Variants in CNGB3 observed in about 807,000 individuals in gnomAD.
CNGB3 encodes the protein cyclic nucleotide-gated channel beta-3.
Under a neutral mutation model 92.8 loss-of-function variants are expected in CNGB3, and 86 were observed. The observed-to-expected ratio is 0.93, with a 90% confidence interval of 0.78 to 1.11. CNGB3 has a LOEUF of 1.11. CNGB3 is among the 50% of genes least tolerant of loss of function. The pLI is 0.00. For synonymous variants in CNGB3, 333 were observed against 332.7 expected (o/e 1.00, Z -0.01); for missense variants, 1,026 against 956.8 (o/e 1.07, Z -0.95).
intron 15 of CNGB3, among the ~76,000 whole-genome samples, chr8:86,589,057 T>A (rs1054342692): frequency 6.6e-6 from 1 of 152,164 alleles, no homozygotes; most frequent in African/African-American, 2.4e-5. Flanking sequence ...TCTTCCTGGT[T>A]TAGTCTTGGG....
intron 3 of CNGB3, among the ~76,000 whole-genome samples, chr8:86,708,935 G>A (rs771641861): frequency 2.0e-5 from 3 of 152,094 alleles, no homozygotes; most frequent in Non-Finnish European, 4.4e-5. Context: ...GTGAATATAG[G>A]TAACTGTTTC....
chr8:86,586,560 C>T (rs1222265986), intron 15 of CNGB3, among the ~76,000 whole-genome samples: 3 of 145,874 alleles, frequency 2.1e-5, no homozygotes, highest in African/African-American at 5.1e-5. Flanking sequence ...TTGTTCAATT[C>T]CCACCTATGA....
intron 15 of CNGB3, among the ~76,000 whole-genome samples, chr8:86,600,831 A>G (rs759855775): frequency 4.0e-4 from 48 of 119,196 alleles, no homozygotes; most frequent in Non-Finnish European, 7.2e-4. Flanking sequence ...GGGGTTTCAC[A>G]GTGTTAGCTG....
At chr8:86,623,598 T>G (rs1246193535) in intron 13 of CNGB3, among the ~76,000 whole-genome samples, 21 of 152,160 alleles carry the variant, frequency 1.4e-4, no homozygotes, top group Admixed American at 1.4e-3. Flanking sequence ...CCCTCAAGAC[T>G]CAATCACTTC....
chr8:86,632,673 T>C lies in CNGB3; in HGVS notation c.1320+79A>G, dbSNP rs1822984546. 8 of 1,440,646 alleles carry C rather than the reference T, an allele frequency of 5.6e-6. No homozygotes were observed. The African/African-American group carries it at 7.1e-5, about 13-fold the overall frequency. 89.2% of individuals were successfully genotyped at this position (1,440,646 alleles called of 1,614,324 possible). On this transcript the variant is annotated intron_variant, in intron 11 of 17. Coordinates refer to ENST00000320005, the MANE Select transcript of CNGB3 (RefSeq NM_019098.5). ...GAAGAACCAGACAGATTTTAATTTT[T>C]CCTCCATAAAGTTTACAAAGACCTG...
intron 3 of CNGB3, among the ~76,000 whole-genome samples, chr8:86,690,340 T>G (rs1368662663): frequency 1.3e-5 from 2 of 152,218 alleles, no homozygotes; most frequent in African/African-American, 2.4e-5. Flanking sequence ...TTCATGTGTT[T>G]TTGGCTGCAT....
At chr8:86,616,747 C>T (rs10956908) in intron 13 of CNGB3, among the ~76,000 whole-genome samples, 35,272 of 152,094 alleles carry the variant, frequency 0.23, 4,819 homozygotes, top group African/African-American at 0.37. Context: ...CAGCCTCCCA[C>T]TGATGCCTGG....
chr8:86,609,644 C>T (rs1822480717), intron 14 of CNGB3, among the ~76,000 whole-genome samples: 1 of 152,148 alleles, frequency 6.6e-6, no homozygotes, highest in Admixed American at 6.5e-5. Flanking sequence ...CCAGTTCCAT[C>T]CTCTCTCATT....
intron 10 of CNGB3, among the ~76,000 whole-genome samples, chr8:86,639,256 G>T (rs1276511738): frequency 6.6e-6 from 1 of 151,732 alleles, no homozygotes; most frequent in Non-Finnish European, 1.5e-5. Context: ...CATAAAATTG[G>T]GATATATGTG....
intron 6 of CNGB3, chr8:86,661,148 G>T: frequency 4.5e-6 from 1 of 224,134 alleles, no homozygotes; most frequent in East Asian, 1.2e-4. Flanking sequence ...TCATACTTTA[G>T]GACGACAACC....
chr8:86,628,488 A>C lies in CNGB3; in HGVS notation c.1480+431T>G, dbSNP rs148635636. On this transcript the variant is annotated intron_variant, in intron 12 of 17. Transcript: ENST00000320005. Reference sequence around the variant, plus strand: ...TGTTCTGGGTAAGAGAGTGATATTGAAGTAAGAGCAAGAGTTTGGAAGAGA... The same window carrying C: ...TGTTCTGGGTAAGAGAGTGATATTGCAGTAAGAGCAAGAGTTTGGAAGAGA... 9.2e-5 allele frequency among the ~76,000 whole-genome samples: 14 copies of C among 152,264 alleles called. No individual in the cohort carries two copies. In the East Asian group the frequency reaches 2.7e-3, roughly 29 times the overall value.
intron 3 of CNGB3, among the ~76,000 whole-genome samples, chr8:86,684,862 G>A (rs929736697): frequency 2.0e-5 from 3 of 152,118 alleles, no homozygotes; most frequent in Admixed American, 1.3e-4. Context: ...AGTGCAACAT[G>A]AGGGATCTTT....
At chr8:86,582,438 G>A (rs1386886497) in intron 15 of CNGB3, among the ~76,000 whole-genome samples, 2 of 149,532 alleles carry the variant, frequency 1.3e-5, no homozygotes, top group Non-Finnish European at 3.0e-5. Context: ...ATTAATGTCA[G>A]ATACAAAACC....
intron 3 of CNGB3, among the ~76,000 whole-genome samples, chr8:86,720,407 A>G (rs971762014): frequency 1.3e-5 from 2 of 152,198 alleles, no homozygotes; most frequent in Non-Finnish European, 2.9e-5. Flanking sequence ...AATTCTCAAC[A>G]TCACTAATTA....
intron 3 of CNGB3, among the ~76,000 whole-genome samples, chr8:86,723,019 CT>C (rs1824999468): frequency 6.6e-6 from 1 of 152,070 alleles, no homozygotes; most frequent in Admixed American, 6.6e-5. Context: ...GGTTCTATTT[CT>C]GTGGAGAACC....
chr8:86,676,216 A>G (rs1823965054), intron 3 of CNGB3, among the ~76,000 whole-genome samples: 1 of 152,184 alleles, frequency 6.6e-6, no homozygotes, highest in African/African-American at 2.4e-5. Context: ...TTAGTATAAC[A>G]TGGAGAGATG....
chr8:86,593,938 T>A (rs1233830857), intron 15 of CNGB3: 5 of 544,352 alleles, frequency 9.2e-6, no homozygotes, highest in Admixed American at 2.4e-5. Context: ...AGGAGTGGAA[T>A]CGGATCCTGT....
intron 3 of CNGB3, among the ~76,000 whole-genome samples, chr8:86,678,145 T>C (rs1824011493): frequency 6.6e-6 from 1 of 152,254 alleles, no homozygotes; most frequent in East Asian, 1.9e-4. Flanking sequence ...TTTTGCCATG[T>C]TTAGGCAATA....
At position 86,619,728 on chromosome 8, in the gene CNGB3, CTT is replaced by C. The variant is rs71275868; in HGVS notation, c.1578+6253_1578+6254del. ...GCCAAAGGATTGCCTTGGTCTTGAC[CTT>C]TTTTTTTTTTTTTTTTTTTTTGCGA... On this transcript the variant is annotated intron_variant, in intron 13 of 17. Coordinates refer to ENST00000320005, the MANE Select transcript of CNGB3 (RefSeq NM_019098.5). 9.8e-3 allele frequency among the ~76,000 whole-genome samples: 717 copies of C among 73,362 alleles called. 8 individuals carry two copies. Among genetic ancestry groups the C allele is most frequent in the South Asian group, 0.081 (126 of 1,552 alleles). The allele number at this position is 73,362 out of a possible 152,430, so 48.1% of individuals were successfully genotyped here.
Sources: allele counts gnomAD v4.1 joint callset (sites outside exome capture counted in the v4.1 genomes callset), GRCh38; gene constraint gnomAD v4.1.1; transcripts MANE v1.5; gene names NCBI Gene and HGNC (gene_info 2026-07-23, HGNC 2026-07-21).